Variants in ROBO2 observed in about 807,000 individuals in gnomAD.
ROBO2 encodes the protein roundabout homolog 2.
Under a neutral mutation model 160.8 loss-of-function variants are expected in ROBO2, and 53 were observed. The observed-to-expected ratio is 0.33, with a 90% CI of 0.26 to 0.41. The LOEUF (loss-of-function observed/expected upper bound fraction) is 0.41, where lower values mean the gene tolerates loss of function less well. Ranked by LOEUF, ROBO2 falls within the 10% of genes least tolerant of loss-of-function variation. ROBO2 has a pLI of 1.00. For missense variants in ROBO2, 1,577 were observed against 1,722.4 expected (o/e 0.92, Z 1.49); for synonymous variants, 664 against 611.7 (o/e 1.09, Z -1.26).
intron 2 of ROBO2, chr3:77,317,042 T>C (rs2064068398): frequency 1.3e-6 from 2 of 1,520,388 alleles, no homozygotes; most frequent in Non-Finnish European, 1.8e-6. Flanking sequence ...CCAAACTCTG[T>C]CCCGTCATTC....
intron 2 of ROBO2, among the ~76,000 whole-genome samples, chr3:76,396,829 C>G (rs1440289073): frequency 6.6e-6 from 1 of 152,090 alleles, no homozygotes; most frequent in Non-Finnish European, 1.5e-5. Context: ...AAAGAGGATA[C>G]AAACAAATGG....
At chr3:77,077,177 T>C (rs2068101560) in intron 1 of ROBO2, among the ~76,000 whole-genome samples, 1 of 152,314 alleles carries the variant, frequency 6.6e-6, no homozygotes, top group African/African-American at 2.4e-5. Context: ...TACAAGCTTT[T>C]AAAATCTCAG....
chr3:77,623,462 G>A (rs2094941452), intron 23 of ROBO2, among the ~76,000 whole-genome samples: 1 of 152,184 alleles, frequency 6.6e-6, no homozygotes, highest in African/African-American at 2.4e-5. Context: ...ATGGGAACTG[G>A]TTTATGACAG....
intron 2 of ROBO2, among the ~76,000 whole-genome samples, chr3:76,846,981 A>C (rs1384585594): frequency 6.6e-6 from 1 of 152,156 alleles, no homozygotes; most frequent in Non-Finnish European, 1.5e-5. Context: ...CAAGAAGGAA[A>C]TGTCAATAAT....
At chr3:77,401,091 A>G (rs966076153) in intron 2 of ROBO2, among the ~76,000 whole-genome samples, 8 of 152,108 alleles carry the variant, frequency 5.3e-5, no homozygotes, top group African/African-American at 1.9e-4. Context: ...AGAGGATACA[A>G]AAGCATTGTA....
At chr3:77,599,616 G>A (rs185574688) in intron 19 of ROBO2, among the ~76,000 whole-genome samples, 219 of 151,728 alleles carry the variant, frequency 1.4e-3, no homozygotes, top group Non-Finnish European at 2.0e-3. Flanking sequence ...CCTGCACGTT[G>A]TGCCCATGTA....
intron 2 of ROBO2, among the ~76,000 whole-genome samples, chr3:77,231,209 A>G (rs1326318411): frequency 6.6e-6 from 1 of 151,820 alleles, no homozygotes; most frequent in African/African-American, 2.4e-5. Context: ...CAAAAAATAC[A>G]AAAATTAACC....
intron 2 of ROBO2, among the ~76,000 whole-genome samples, chr3:76,341,646 G>A (rs2074236884): frequency 6.6e-6 from 1 of 152,054 alleles, no homozygotes; most frequent in Non-Finnish European, 1.5e-5. Flanking sequence ...TGCAGATTGT[G>A]TCTGTACTTT....
intron 2 of ROBO2, among the ~76,000 whole-genome samples, chr3:76,813,755 A>AT (rs1266610019): frequency 1.3e-5 from 2 of 152,048 alleles, no homozygotes; most frequent in African/African-American, 4.8e-5. Flanking sequence ...CAGTCTCCCA[A>AT]TTTTTGGCAT....
intron 19 of ROBO2, among the ~76,000 whole-genome samples, chr3:77,597,080 G>A (rs921055790): frequency 1.3e-5 from 2 of 151,942 alleles, no homozygotes; most frequent in African/African-American, 4.8e-5. Flanking sequence ...TATGGTTTTG[G>A]ACTAGAGGTT....
At chr3:77,605,027 A>T (rs1034507209) in intron 20 of ROBO2, among the ~76,000 whole-genome samples, 1 of 151,650 alleles carries the variant, frequency 6.6e-6, no homozygotes, top group Non-Finnish European at 1.5e-5. Flanking sequence ...TTAGCCAAGC[A>T]TGGTGGCACT....
chr3:76,646,937 T>C (rs1350408354), intron 2 of ROBO2, among the ~76,000 whole-genome samples: 2 of 152,248 alleles, frequency 1.3e-5, no homozygotes, highest in African/African-American at 2.4e-5. Flanking sequence ...ACCACCCCTA[T>C]GGCTGGGGGA....
chr3:77,512,335 T>G (rs2089495781), intron 5 of ROBO2, among the ~76,000 whole-genome samples: 1 of 151,958 alleles, frequency 6.6e-6, no homozygotes, highest in African/African-American at 2.4e-5. Context: ...TTAGAAAAAT[T>G]GAGCAACTTT....
intron 8 of ROBO2, among the ~76,000 whole-genome samples, chr3:77,555,006 T>C (rs748813336): frequency 4.6e-5 from 7 of 151,932 alleles, no homozygotes; most frequent in Non-Finnish European, 8.8e-5. Context: ...TTGTCTTATT[T>C]TAAGAAATTG....
chr3:77,037,427 G>T (rs1378571285), upstream of ROBO2, among the ~76,000 whole-genome samples: 1 of 152,128 alleles, frequency 6.6e-6, no homozygotes, highest in Non-Finnish European at 1.5e-5. Flanking sequence ...GGCTTGCTTT[G>T]TCACTTTTAA....
At chr3:77,491,446 T>A (rs534768478) in intron 4 of ROBO2, among the ~76,000 whole-genome samples, 1 of 152,282 alleles carries the variant, frequency 6.6e-6, no homozygotes, top group East Asian at 1.9e-4. Context: ...GCTTCCTATG[T>A]GAATGATTTA....
chr3:76,804,963 T>C (rs2064558287), intron 2 of ROBO2, among the ~76,000 whole-genome samples: 2 of 152,198 alleles, frequency 1.3e-5, no homozygotes, highest in African/African-American at 2.4e-5. Context: ...TTTATTTCCA[T>C]TAAAATCAAT....
At chr3:76,203,084 C>A (rs541291918) in intron 2 of ROBO2, among the ~76,000 whole-genome samples, 2 of 152,214 alleles carry the variant, frequency 1.3e-5, no homozygotes, top group Admixed American at 1.3e-4. Context: ...CTTTTAAGAG[C>A]AAAATTCAGC....
At position 76,889,132 on chromosome 3, in the gene ROBO2, G is replaced by A. The variant is rs550541664; in HGVS notation, c.110-208882G>A. Among the ~76,000 whole-genome samples the A allele has an allele frequency of 8.9e-4, 135 of 152,272 alleles. 1 individual carries two copies. The highest frequency in any genetic ancestry group is 2.6e-3 in the Admixed American group (40 of 15,298). On this transcript the variant is annotated intron_variant, in intron 2 of 26. Transcript: ENST00000487694. ...TGCCAGGTCTTGACTGATGATAGTT[G>A]TTGAGAATCTGATTCATATTTACAA...
Sources: allele counts gnomAD v4.1 joint callset (sites outside exome capture counted in the v4.1 genomes callset), GRCh38; gene constraint gnomAD v4.1.1; transcripts MANE v1.5; gene names NCBI Gene and HGNC (gene_info 2026-07-23, HGNC 2026-07-21).